Variants in ARHGAP31 observed in about 807,000 individuals in gnomAD.
ARHGAP31 encodes the protein Rho GTPase activating protein 31, also known as rho GTPase-activating protein 31.
In ARHGAP31, 34 loss-of-function variants were observed where a neutral mutation model predicts 113.9. The observed-to-expected ratio is 0.30, with a 90% CI of 0.23 to 0.40. The LOEUF is 0.40. ARHGAP31 is among the 10% of genes least tolerant of loss of function. ARHGAP31 has a pLI of 1.00. For synonymous variants in ARHGAP31, 650 were observed against 684.8 expected, an observed-to-expected ratio of 0.95 and a Z score of 0.79; for missense variants, 1,548 against 1,767.1, an observed-to-expected ratio of 0.88 and a Z score of 2.22.
chr3:119,362,593 C>T (rs527915401), intron 1 of ARHGAP31, among the ~76,000 whole-genome samples: 1 of 151,980 alleles, frequency 6.6e-6, no homozygotes, highest in African/African-American at 2.4e-5. Context: ...CATAGTGAAA[C>T]CTTACCTCTA....
chr3:119,297,634 G>A (rs762179128), intron 1 of ARHGAP31, among the ~76,000 whole-genome samples: 2 of 152,214 alleles, frequency 1.3e-5, no homozygotes, highest in African/African-American at 2.4e-5. Context: ...AGGACAAAGC[G>A]GGGTGATGAT....
At chr3:119,390,149 T>TA (rs76515186) in intron 6 of ARHGAP31, among the ~76,000 whole-genome samples, 40 of 148,200 alleles carry the variant, frequency 2.7e-4, no homozygotes, top group African/African-American at 4.4e-4. Flanking sequence ...TTCCATTCTT[T>TA]AAAAAAAAAA....
intron 1 of ARHGAP31, among the ~76,000 whole-genome samples, chr3:119,356,641 A>G (rs1054485894): frequency 1.6e-4 from 25 of 151,814 alleles, no homozygotes; most frequent in African/African-American, 5.6e-4. Context: ...AAAAAAAAAA[A>G]GAAAAAAAAA....
rs1164909952 is a variant in ARHGAP31 at position 119,294,848 on chromosome 3, G to A, written c.-57G>A. The stretch of plus-strand genomic sequence containing the variant: ...ATCTAGCCCGGGAGCCCATCTTACA[G>A]CGGTGCCAAGCAGAGGGGCGGCAGA... On this transcript the variant is annotated 5_prime_UTR_variant, in exon 1 of 12. Coordinates refer to ENST00000264245, the MANE Select transcript of ARHGAP31 (RefSeq NM_020754.4). 11 of 1,519,934 alleles carry A rather than the reference G, an allele frequency of 7.2e-6. No homozygotes were observed. Among genetic ancestry groups the A allele is most frequent in the African/African-American group, 1.4e-5 (1 of 72,970 alleles). 94.2% of individuals were successfully genotyped at this position (1,519,934 alleles called of 1,614,324 possible).
At chr3:119,353,197 G>A (rs1007982495) in intron 1 of ARHGAP31, among the ~76,000 whole-genome samples, 10 of 152,100 alleles carry the variant, frequency 6.6e-5, no homozygotes, top group Non-Finnish European at 1.2e-4. Context: ...GAGCATGAGG[G>A]TCCTGTCTCA....
intron 3 of ARHGAP31, among the ~76,000 whole-genome samples, chr3:119,373,331 A>T (rs1199399775): frequency 6.6e-6 from 1 of 152,224 alleles, no homozygotes; most frequent in Non-Finnish European, 1.5e-5. Flanking sequence ...AAAGAAATTG[A>T]ATTATTTAAA....
intron 6 of ARHGAP31, among the ~76,000 whole-genome samples, chr3:119,388,767 G>T (rs1281513462): frequency 6.6e-6 from 1 of 152,104 alleles, no homozygotes; most frequent in Non-Finnish European, 1.5e-5. Flanking sequence ...GTGGTCCGTG[G>T]TGCCACCTAC....
intron 3 of ARHGAP31, among the ~76,000 whole-genome samples, chr3:119,370,412 T>C (rs1213375475): frequency 1.3e-5 from 2 of 152,216 alleles, no homozygotes; most frequent in African/African-American, 2.4e-5. Context: ...TGTGTTTTGT[T>C]TTCCAAAATC....
intron 1 of ARHGAP31, among the ~76,000 whole-genome samples, chr3:119,328,577 T>C (rs902174797): frequency 1.3e-5 from 2 of 152,192 alleles, no homozygotes; most frequent in African/African-American, 4.8e-5. Flanking sequence ...ACCTATTGTA[T>C]CCCTTTTCCT....
intron 1 of ARHGAP31, among the ~76,000 whole-genome samples, chr3:119,356,170 TAC>T (rs1264370975): frequency 6.6e-6 from 1 of 152,210 alleles, no homozygotes; most frequent in Non-Finnish European, 1.5e-5. Context: ...CAAAAGAATA[TAC>T]AGTGAGAAGT....
chr3:119,363,549 T>G (rs77396578), intron 1 of ARHGAP31, among the ~76,000 whole-genome samples: 2,621 of 152,254 alleles, frequency 0.017, 45 homozygotes, highest in East Asian at 0.06. Flanking sequence ...GCACAGCCTT[T>G]GAGAGGCAGC....
intron 10 of ARHGAP31, among the ~76,000 whole-genome samples, chr3:119,408,422 C>T (rs1458821736): frequency 1.3e-5 from 2 of 152,218 alleles, no homozygotes; most frequent in African/African-American, 4.8e-5. Flanking sequence ...TGCGGTGAGA[C>T]ACCTCAGAGT....
intron 10 of ARHGAP31, among the ~76,000 whole-genome samples, chr3:119,404,533 A>G (rs2107642124): frequency 6.6e-6 from 1 of 152,342 alleles, no homozygotes; most frequent in Non-Finnish European, 1.5e-5. Context: ...ATCTTCTTCC[A>G]TGATTATTCC....
At chr3:119,309,778 C>A (rs1364359062) in intron 1 of ARHGAP31, among the ~76,000 whole-genome samples, 1 of 151,854 alleles carries the variant, frequency 6.6e-6, no homozygotes, top group African/African-American at 2.4e-5. Flanking sequence ...ATCCCCCCCA[C>A]CACAACCACC....
intron 8 of ARHGAP31, among the ~76,000 whole-genome samples, chr3:119,395,555 A>G (rs1003174451): frequency 9.9e-5 from 15 of 152,262 alleles, no homozygotes; most frequent in Admixed American, 9.8e-4. Context: ...CTAGGTCCAG[A>G]GGGAGAAAGA....
chr3:119,314,373 A>G lies in ARHGAP31; in HGVS notation c.100+19369A>G, dbSNP rs2079711096. 2 of 152,200 alleles carry G rather than the reference A, an allele frequency of 1.3e-5. 1 individual carries two copies. Among genetic ancestry groups the G allele is most frequent in the Non-Finnish European group, 2.9e-5 (2 of 68,098 alleles). The allele number at this position is 152,200 out of a possible 1,614,324, so 9.4% of individuals were successfully genotyped here. On this transcript the variant is annotated intron_variant, in intron 1 of 11. Coordinates refer to ENST00000264245, the MANE Select transcript of ARHGAP31 (RefSeq NM_020754.4). ...GTACTTCCCCAACGCTGCTCTTATCATCCTCATCCCCACCTAATCCCTGCC... is the reference window on the plus strand; with the variant it reads ...GTACTTCCCCAACGCTGCTCTTATCGTCCTCATCCCCACCTAATCCCTGCC...
chr3:119,385,783 G>C (rs75756645), intron 6 of ARHGAP31, among the ~76,000 whole-genome samples: 6,230 of 152,298 alleles, frequency 0.041, 399 homozygotes, highest in African/African-American at 0.14. Flanking sequence ...AATTCGCTGC[G>C]TGTGGACTAC....
chr3:119,349,310 A>G (rs567155308), intron 1 of ARHGAP31, among the ~76,000 whole-genome samples: 40 of 152,282 alleles, frequency 2.6e-4, no homozygotes, highest in African/African-American at 9.1e-4. Flanking sequence ...TTTGCACCAT[A>G]AAATAGTGTC....
Position 119,414,508 on chromosome 3 carries a change from GT to G in ARHGAP31, c.2583del (p.Pro862GlnfsTer17). 1 of 1,614,226 alleles carries G rather than the reference GT, an allele frequency of 6.2e-7. No homozygotes were observed. Reference sequence around the variant, plus strand: ...GCTGCTTCTGAGGGGAAAGGCTGTGGTTTTCCAAGCCCAACCAGGGAGGTTG... The same window carrying G: ...GCTGCTTCTGAGGGGAAAGGCTGTGGTTTCCAAGCCCAACCAGGGAGGTTG... ...KNAASEGKGC[G>X]FPSPTREVEI... On this transcript the variant is annotated frameshift_variant, in exon 12 of 12. Coordinates refer to ENST00000264245, the MANE Select transcript of ARHGAP31 (RefSeq NM_020754.4). LOFTEE classifies it high-confidence loss of function.
Sources: gnomAD v4.1 joint callset for allele counts (sites outside exome capture counted in the v4.1 genomes callset) on GRCh38, gnomAD v4.1.1 for gene constraint, MANE v1.5 for transcripts, NCBI Gene and HGNC (gene_info 2026-07-23, HGNC 2026-07-21) for gene names.